The following OR2T10 variants were observed in gnomAD, a reference collection of about 807,000 sequenced individuals.
OR2T10 encodes the protein olfactory receptor 2T10.
For synonymous variants in OR2T10, 125 were observed against 141.8 expected (o/e 0.88, Z 0.84); for missense variants, 335 against 382.5 (o/e 0.88, Z 1.04).
At position 248,591,384 on chromosome 1, in the gene OR2T10, G is replaced by A. The variant is rs1659996399; in HGVS notation, c.*1446C>T. ...TATTTTCTGTATACACCCTTTAAGT[G>A]CTAAAAAAGATGAAGATTTTTATTT... On this transcript the variant is annotated 3_prime_UTR_variant, in exon 2 of 2. Coordinates refer to ENST00000642090, the MANE Select transcript of OR2T10 (RefSeq NM_001004693.2). The A allele has an allele frequency of 7.0e-6, 1 of 143,334 alleles. No homozygotes were observed. The highest frequency in any genetic ancestry group is 6.8e-5 in the Admixed American group (1 of 14,672). 8.9% of individuals were successfully genotyped at this position (143,334 alleles called of 1,614,324 possible).
intron 1 of OR2T10, among the ~76,000 whole-genome samples, chr1:248,594,463 T>C (rs1000384653): frequency 6.9e-6 from 1 of 144,072 alleles, no homozygotes; most frequent in Non-Finnish European, 1.5e-5. Flanking sequence ...ATAAAATGTA[T>C]TTTTATACTT....
chr1:248,590,776 A>AATCAAG lies in OR2T10; in HGVS notation c.*2053_*2054insCTTGAT, dbSNP rs1659985307. ...TACAGCATGTACTCTTGATTTACTA[A>AATCAAG]AGTTTAACACAAATTACTACCTCTA... On this transcript the variant is annotated 3_prime_UTR_variant, in exon 2 of 2. Coordinates refer to ENST00000642090, the MANE Select transcript of OR2T10 (RefSeq NM_001004693.2). The AATCAAG allele has an allele frequency of 7.0e-6, 1 of 143,340 alleles. No individual in the cohort carries two copies. Among genetic ancestry groups the AATCAAG allele is most frequent in the Non-Finnish European group, 1.5e-5 (1 of 66,280 alleles). 8.9% of individuals were successfully genotyped at this position (143,340 alleles called of 1,614,324 possible).
rs769097140 is a variant in OR2T10, at chr1:248,592,870, GC to G, written c.898del (p.Ala300LeufsTer2). The G allele has an allele frequency of 1.9e-6, 3 of 1,562,290 alleles. No homozygotes were observed. The Admixed American group carries it at 5.3e-5, about 28-fold the overall frequency. On this transcript the variant is annotated frameshift_variant, in exon 2 of 2. Coordinates refer to ENST00000642090, the MANE Select transcript of OR2T10 (RefSeq NM_001004693.2). LOFTEE classifies it low-confidence loss of function (END_TRUNC). ...CTGCACGCTCAGCATTTTTTTCAAA[GC>G]CCTTGTGACATCCTTATTCCTGAAA... is the stretch of plus-strand genomic sequence containing the variant. The part of the protein sequence containing the change: ...YSFRNKDVTR[A>X]LKKMLSVQKP...
Position 248,594,467 on chromosome 1 carries a change from TA to T in OR2T10, c.-28-672del, listed in dbSNP as rs1210107763. 3.5e-5 allele frequency among the ~76,000 whole-genome samples: 5 copies of T among 144,078 alleles called. 1 individual carries two copies. The South Asian group carries it at 8.6e-4, about 25-fold the overall frequency. 94.5% of individuals were successfully genotyped at this position (144,078 alleles called of 152,430 possible). On this transcript the variant is annotated intron_variant, in intron 1 of 1. Coordinates refer to ENST00000642090, the MANE Select transcript of OR2T10 (RefSeq NM_001004693.2). ...ATATGTGATTTATAAAATGTATTTT[TA>T]TACTTCCACTTAACCTATTACAAAG...
chr1:248,593,650 G>A lies in OR2T10; in HGVS notation c.119C>T (p.Ser40Phe). Residue 40 changes from serine to phenylalanine, a missense_variant, in exon 2 of 2, where the codon TCT (serine) becomes TTT (phenylalanine). Transcript: ENST00000642090. ...LIFSIFLMAV[S>F]WNITLILLIH... Reference sequence around the variant, plus strand: ...CAGAAGTATCAATGTAATATTCCAAGACACAGCCATCAAAAATATACTGAA... The same window carrying A: ...CAGAAGTATCAATGTAATATTCCAAAACACAGCCATCAAAAATATACTGAA... 1.3e-6 allele frequency: 2 copies of A among 1,559,288 alleles called. No homozygotes were observed. The highest frequency in any genetic ancestry group is 2.3e-5 in the South Asian group (2 of 88,552).
In OR2T10 at chr1:248,593,554, G is replaced by A. The variant is rs778445380; in HGVS notation, c.215C>T (p.Thr72Ile). Residue 72 changes from threonine (T) to isoleucine (I), a missense_variant, in exon 2 of 2, where the codon ACA becomes ATA. Coordinates refer to ENST00000642090, the MANE Select transcript of OR2T10 (RefSeq NM_001004693.2). Reference sequence around the variant, plus strand: ...TTTGGGGACAGTGACAGAAATATATGTCAAGTCTATGAGTGAGAGCTGGTT... The same window carrying A: ...TTTGGGGACAGTGACAGAAATATATATCAAGTCTATGAGTGAGAGCTGGTT... ...FINQLSLIDL[T>I]YISVTVPKML... The A allele has an allele frequency of 1.3e-6, 2 of 1,568,346 alleles. No individual in the cohort carries two copies. Among genetic ancestry groups the A allele is most frequent in the Admixed American group, 1.7e-5 (1 of 58,286 alleles).
intron 1 of OR2T10, among the ~76,000 whole-genome samples, chr1:248,595,392 TATC>T (rs1200593037): frequency 7.0e-6 from 1 of 143,816 alleles, no homozygotes; most frequent in Non-Finnish European, 1.5e-5. Context: ...TTATATTTTT[TATC>T]ATTAACTTAA....
In OR2T10 at chr1:248,593,669, T is replaced by C. The variant is rs373710124; in HGVS notation, c.100A>G (p.Ile34Val). 4 of 1,559,998 alleles carry C rather than the reference T, an allele frequency of 2.6e-6. 1 individual carries two copies. Among genetic ancestry groups the C allele is most frequent in the African/African-American group, 3.1e-5 (2 of 64,734 alleles). ...TTCCAAGACACAGCCATCAAAAATA[T>C]ACTGAAGATAAGCAAGCAGAGGCGG... Reference protein sequence around the residue: ...PGRLCLLIFSIFLMAVSWNIT... With the variant: ...PGRLCLLIFSVFLMAVSWNIT... The change falls in exon 2 of 2, where the codon ATA (isoleucine) becomes GTA (valine). Residue 34 changes from isoleucine to valine, a missense_variant. Coordinates refer to ENST00000642090, the MANE Select transcript of OR2T10 (RefSeq NM_001004693.2).
At chr1:248,596,538 T>G (rs1660094490) in intron 1 of OR2T10, among the ~76,000 whole-genome samples, 1 of 142,916 alleles carries the variant, frequency 7.0e-6, no homozygotes, top group Non-Finnish European at 1.5e-5. Flanking sequence ...GGGGACTGAG[T>G]CCATAAGGCT....
In OR2T10 at chr1:248,597,544, A is replaced by G. The variant is rs1660110811; in HGVS notation, c.-81T>C. 7.0e-6 allele frequency: 1 copy of G among 143,456 alleles called. No homozygotes were observed. The highest frequency in any genetic ancestry group is 2.2e-4 in the South Asian group (1 of 4,578). 8.9% of individuals were successfully genotyped at this position (143,456 alleles called of 1,614,324 possible). A position where few individuals can be genotyped will look rare whatever the true frequency, so the allele number is the denominator to read the frequency against. On this transcript the variant is annotated 5_prime_UTR_variant, in exon 1 of 2. Coordinates refer to ENST00000642090, the MANE Select transcript of OR2T10 (RefSeq NM_001004693.2). Reference sequence around the variant, plus strand: ...TGAGGAATTTTATTTCCAATAAGATACTTCCAGTATAGTCGTCCCGATGAA... The same window carrying G: ...TGAGGAATTTTATTTCCAATAAGATGCTTCCAGTATAGTCGTCCCGATGAA...
At position 248,595,344 on chromosome 1, in the gene OR2T10, G is replaced by T. The variant is rs564752923; in HGVS notation, c.-28-1548C>A. Among the ~76,000 whole-genome samples the T allele has an allele frequency of 1.9e-4, 27 of 143,330 alleles. 7 individuals are homozygous for T. Among genetic ancestry groups the T allele is most frequent in the African/African-American group, 7.1e-4 (26 of 36,492 alleles). 94.0% of individuals were successfully genotyped at this position (143,330 alleles called of 152,430 possible). A position where few individuals can be genotyped will look rare whatever the true frequency, so the allele number is the denominator to read the frequency against. ...ACATATTCATCCTTTTTATATTGCA[G>T]CTTTTCTTATGTAACCTTTTACATT... On this transcript the variant is annotated intron_variant, in intron 1 of 1. Coordinates refer to ENST00000642090, the MANE Select transcript of OR2T10 (RefSeq NM_001004693.2).
In OR2T10 at chr1:248,592,651, G is replaced by A; in HGVS notation, c.*179C>T. On this transcript the variant is annotated 3_prime_UTR_variant, in exon 2 of 2. Coordinates refer to ENST00000642090, the MANE Select transcript of OR2T10 (RefSeq NM_001004693.2). ...GAGATCAATGCTACGAGGGAAGGGG[G>A]GGATAAGTGAACATCATCTCAAGTG... 8.4e-6 allele frequency: 4 copies of A among 478,234 alleles called. 1 individual carries two copies. 29.6% of individuals were successfully genotyped at this position (478,234 alleles called of 1,614,324 possible). A position where few individuals can be genotyped will look rare whatever the true frequency, so the allele number is the denominator to read the frequency against.
Position 248,591,309 on chromosome 1 carries a change from A to C in OR2T10, c.*1521T>G, listed in dbSNP as rs1006599615. 7.0e-6 allele frequency: 1 copy of C among 143,534 alleles called. No individual in the cohort carries two copies. Among genetic ancestry groups the C allele is most frequent in the Non-Finnish European group, 1.5e-5 (1 of 66,312 alleles). 8.9% of individuals were successfully genotyped at this position (143,534 alleles called of 1,614,324 possible). A position where few individuals can be genotyped will look rare whatever the true frequency, so the allele number is the denominator to read the frequency against. On this transcript the variant is annotated 3_prime_UTR_variant, in exon 2 of 2. Transcript: ENST00000642090. Reference sequence around the variant, plus strand: ...ACCCCTCTCCTGCTCAAGATTTTCCAACACTTTTCTTCTGATAATACTCCA... The same window carrying C: ...ACCCCTCTCCTGCTCAAGATTTTCCCACACTTTTCTTCTGATAATACTCCA...
Position 248,592,709 on chromosome 1 carries a change from C to A in OR2T10, c.*121G>T. On this transcript the variant is annotated 3_prime_UTR_variant, in exon 2 of 2. Coordinates refer to ENST00000642090, the MANE Select transcript of OR2T10 (RefSeq NM_001004693.2). ...AGGAGGGAAGAACACTGGGCTGAAT[C>A]CCCCTGAAGGACAACTCAGGGAGTC... is the stretch of plus-strand genomic sequence containing the variant. 2 of 594,438 alleles carry A rather than the reference C, an allele frequency of 3.4e-6. 1 individual carries two copies. The highest frequency in any genetic ancestry group is 5.8e-5 in the East Asian group (2 of 34,322). 36.8% of individuals were successfully genotyped at this position (594,438 alleles called of 1,614,324 possible). A position where few individuals can be genotyped will look rare whatever the true frequency, so the allele number is the denominator to read the frequency against.
In OR2T10 at chr1:248,593,827, T is replaced by G. The variant is rs1660053376; in HGVS notation, c.-28-31A>C. On this transcript the variant is annotated intron_variant, in intron 1 of 1. Transcript: ENST00000642090. ...GGACAAAAGTAAACTTTATTTATAA[T>G]CATGTGTGTACCACGTAAAAGTATG... 3.4e-6 allele frequency: 3 copies of G among 889,768 alleles called. 1 individual carries two copies. In the East Asian group the frequency reaches 7.7e-5, roughly 23 times the overall value. 55.1% of individuals were successfully genotyped at this position (889,768 alleles called of 1,614,324 possible). A position where few individuals can be genotyped will look rare whatever the true frequency, so the allele number is the denominator to read the frequency against.
Position 248,590,997 on chromosome 1 carries a change from C to T in OR2T10, c.*1833G>A, listed in dbSNP as rs1241997957. On this transcript the variant is annotated 3_prime_UTR_variant, in exon 2 of 2. Transcript: ENST00000642090. Reference sequence around the variant, plus strand: ...TACTTTTGAGATAATTTTTCTATGGCTGAAGAATTTTATCCACTTTTGTTT... The same window carrying T: ...TACTTTTGAGATAATTTTTCTATGGTTGAAGAATTTTATCCACTTTTGTTT... 1.4e-5 allele frequency: 2 copies of T among 143,394 alleles called. No individual in the cohort carries two copies. Among genetic ancestry groups the T allele is most frequent in the Non-Finnish European group, 3.0e-5 (2 of 66,282 alleles). 8.9% of individuals were successfully genotyped at this position (143,394 alleles called of 1,614,324 possible). A position where few individuals can be genotyped will look rare whatever the true frequency, so the allele number is the denominator to read the frequency against.
Position 248,592,989 on chromosome 1 carries a change from C to G in OR2T10, c.780G>C (p.Met260Ile), listed in dbSNP as rs753441046. Residue 260 changes from methionine (M) to isoleucine (I), a missense_variant, in exon 2 of 2, where the codon ATG becomes ATC. By Grantham distance (10) the Met-to-Ile change is conservative. Transcript: ENST00000642090. ...CAGGAGTTTGGTAGGAGCTGGGGAGCATGTAGTTGTAAATAGCAGCTCCAT... is the reference window on the plus strand; with the variant it reads ...CAGGAGTTTGGTAGGAGCTGGGGAGGATGTAGTTGTAAATAGCAGCTCCAT... ...LFYGAAIYNY[M>I]LPSSYQTPEK... The G allele has an allele frequency of 6.4e-7, 1 of 1,572,068 alleles. No individual in the cohort carries two copies.
rs267598512 is a variant in OR2T10 at position 248,593,011 on chromosome 1, C to T, written c.758G>A (p.Gly253Glu). The T allele has an allele frequency of 1.5e-5, 24 of 1,572,450 alleles. 2 individuals are homozygous for T. The South Asian group carries it at 2.5e-4, about 16-fold the overall frequency. Residue 253 changes from glycine (G) to glutamate (E), a missense_variant, in exon 2 of 2, where the codon GGA becomes GAA. Transcript: ENST00000642090. ...SHITVVSLFY[G>E]AAIYNYMLPS... is the part of the protein sequence containing the mutation. Reference sequence around the variant, plus strand: ...GAGCATGTAGTTGTAAATAGCAGCTCCATAGAAGAGGCTGACCACTGTAAT... The same window carrying T: ...GAGCATGTAGTTGTAAATAGCAGCTTCATAGAAGAGGCTGACCACTGTAAT...
chr1:248,597,385 TTAAA>T (rs746315283), intron 1 of OR2T10, 103 bp downstream of exon 1: 1 of 143,100 alleles, frequency 7.0e-6, no homozygotes, highest in Non-Finnish European at 1.5e-5. Flanking sequence ...ATTTGCTGTA[TTAAA>T]TATATATTAA....
Sources: gnomAD v4.1 joint callset for allele counts (sites outside exome capture counted in the v4.1 genomes callset) on GRCh38, gnomAD v4.1.1 for gene constraint, MANE v1.5 for transcripts, NCBI Gene and HGNC (gene_info 2026-07-23, HGNC 2026-07-21) for gene names.